Variants in GNG2 observed in about 807,000 individuals in gnomAD.
GNG2 encodes guanine nucleotide-binding protein G(I)/G(S)/G(O) subunit gamma-2.
A neutral mutation model predicts 5.5 loss-of-function variants in GNG2; 5 were observed. The observed-to-expected ratio is 0.91, with a 90% CI of 0.48 to 1.92. The LOEUF is 1.92. Among genes scored for constraint, GNG2 ranks in the 30% most tolerant of loss-of-function variants. The pLI is 0.01. For synonymous variants in GNG2, 28 were observed against 32.0 expected (o/e 0.88, Z 0.42); for missense variants, 55 against 88.4 (o/e 0.62, Z 1.52).
chr14:51,852,717 T>A (rs897238935), intron 2 of GNG2, among the ~76,000 whole-genome samples: 1 of 152,248 alleles, frequency 6.6e-6, no homozygotes, highest in Non-Finnish European at 1.5e-5. Flanking sequence ...TGTGTAATCA[T>A]ACAAGTAATA....
chr14:51,833,107 T>G (rs1953870), intron 2 of GNG2, among the ~76,000 whole-genome samples: 75,743 of 151,924 alleles, frequency 0.5, 19,488 homozygotes, highest in Middle Eastern at 0.57. Flanking sequence ...ATACAATTTG[T>G]CAGGGGCAGG....
chr14:51,834,856 G>C (rs1001076229), intron 2 of GNG2, among the ~76,000 whole-genome samples: 27 of 152,160 alleles, frequency 1.8e-4, no homozygotes, highest in African/African-American at 6.3e-4. Context: ...ATTTATTTGT[G>C]CTATATCCTG....
At chr14:51,883,005 A>G (rs762690630) in intron 2 of GNG2, among the ~76,000 whole-genome samples, 17 of 146,720 alleles carry the variant, frequency 1.2e-4, no homozygotes, top group Non-Finnish European at 9.0e-5. Flanking sequence ...GCGAGACTCC[A>G]TCTCAAAAAA....
chr14:51,860,083 G>A (rs1315671774), upstream of GNG2, among the ~76,000 whole-genome samples: 1 of 152,090 alleles, frequency 6.6e-6, no homozygotes. Flanking sequence ...AGAGAAAAAT[G>A]CTGCAGTGAG....
chr14:51,957,596 A>G (rs1231084366), intron 3 of GNG2, among the ~76,000 whole-genome samples: 1 of 152,222 alleles, frequency 6.6e-6, no homozygotes, highest in African/African-American at 2.4e-5. Context: ...ATTCTTCTAC[A>G]TACTCATAAT....
At chr14:51,950,830 C>G in intron 3 of GNG2, 65 bp downstream of exon 3, 3 of 932,766 alleles carry the variant, frequency 3.2e-6, no homozygotes, top group Non-Finnish European at 4.8e-6. Flanking sequence ...TGTGACCACT[C>G]TTTCCTAGAG....
At chr14:51,895,631 G>A (rs1003990524) in intron 2 of GNG2, among the ~76,000 whole-genome samples, 1 of 152,152 alleles carries the variant, frequency 6.6e-6, no homozygotes, top group African/African-American at 2.4e-5. Flanking sequence ...CTCTTTTTAT[G>A]GAAAAAAATT....
intron 3 of GNG2, among the ~76,000 whole-genome samples, 173 bp downstream of exon 3, chr14:51,950,938 G>T (rs79486189): frequency 6.6e-6 from 1 of 151,808 alleles, no homozygotes; most frequent in African/African-American, 2.4e-5. Flanking sequence ...ATAATAGAAT[G>T]AATTAGATCC....
At position 51,950,776 on chromosome 14, in the gene GNG2, T is replaced by G. The variant is rs1594953230; in HGVS notation, c.87+11T>G. ...ATCGACAGGATAAAGGTGAGGATGG[T>G]CTAACCCCACACTTCATCTAGCGTG... On this transcript the variant is annotated intron_variant, in intron 3 of 3. Coordinates refer to ENST00000556766, the MANE Select transcript of GNG2 (RefSeq NM_053064.5). 6.5e-7 allele frequency: 1 copy of G among 1,546,018 alleles called. No individual in the cohort carries two copies. The highest frequency in any genetic ancestry group is 8.8e-7 in the Non-Finnish European group (1 of 1,134,552).
chr14:51,885,032 G>A (rs547045295), intron 2 of GNG2, among the ~76,000 whole-genome samples: 15 of 152,244 alleles, frequency 9.9e-5, no homozygotes, highest in Non-Finnish European at 2.1e-4. Context: ...GAGGGGAGGC[G>A]GAGAGAGTCA....
chr14:51,906,735 C>T (rs17124728), intron 2 of GNG2, among the ~76,000 whole-genome samples: 2,632 of 145,682 alleles, frequency 0.018, 90 homozygotes, highest in African/African-American at 0.063. Context: ...ATATATTTTG[C>T]ATGCAGCCTG....
chr14:51,889,109 CTTTTTTTTTTTT>C (rs1173479215), intron 2 of GNG2, among the ~76,000 whole-genome samples: 7 of 118,938 alleles, frequency 5.9e-5, no homozygotes, highest in Non-Finnish European at 1.1e-4. Flanking sequence ...TGGGTTTGCG[CTTTTTTTTTTTT>C]TTTTTTTTTG....
chr14:51,897,727 G>T (rs775687611), intron 2 of GNG2, among the ~76,000 whole-genome samples: 7 of 152,116 alleles, frequency 4.6e-5, no homozygotes, highest in Non-Finnish European at 8.8e-5. Context: ...TATGTGATGG[G>T]AGGCTACGTG....
chr14:51,842,531 T>G (rs929534871), intron 2 of GNG2, among the ~76,000 whole-genome samples: 4 of 152,142 alleles, frequency 2.6e-5, no homozygotes, highest in Non-Finnish European at 4.4e-5. Context: ...CCAGAGTAGC[T>G]TTTCCTGAGG....
intron 3 of GNG2, chr14:51,952,215 C>T (rs1374968099): frequency 1.7e-5 from 5 of 296,834 alleles, no homozygotes; most frequent in Non-Finnish European, 2.5e-5. Flanking sequence ...TCCCATTATC[C>T]TAAATCTCCT....
At chr14:51,844,441 T>C (rs575450905) in intron 2 of GNG2, among the ~76,000 whole-genome samples, 1 of 152,298 alleles carries the variant, frequency 6.6e-6, no homozygotes, top group African/African-American at 2.4e-5. Context: ...GAGGAGTTTC[T>C]CTAAGTCATT....
intron 3 of GNG2, among the ~76,000 whole-genome samples, 194 bp downstream of exon 3, chr14:51,950,959 G>A (rs1888942482): frequency 6.6e-6 from 1 of 151,982 alleles, no homozygotes; most frequent in Admixed American, 6.5e-5. Flanking sequence ...TCTTTCCCAT[G>A]TAGAATTAAA....
At chr14:51,846,650 G>A (rs1384866942) in intron 2 of GNG2, among the ~76,000 whole-genome samples, 2 of 152,120 alleles carry the variant, frequency 1.3e-5, no homozygotes, top group Non-Finnish European at 2.9e-5. Context: ...TTGGTGGAAC[G>A]CAGGCTGAGT....
At chr14:51,837,263 A>G (rs1210531398) in intron 2 of GNG2, among the ~76,000 whole-genome samples, 3 of 152,280 alleles carry the variant, frequency 2.0e-5, no homozygotes, top group Non-Finnish European at 2.9e-5. Flanking sequence ...ATAGGGAGAA[A>G]AAAAGTTGGG....
Sources: allele counts gnomAD v4.1 joint callset (sites outside exome capture counted in the v4.1 genomes callset), GRCh38; gene constraint gnomAD v4.1.1; transcripts MANE v1.5; gene names NCBI Gene and HGNC (gene_info 2026-07-23, HGNC 2026-07-21).